ANKRD26: variants seen among roughly 807,000 people sequenced by gnomAD.
The protein encoded by ANKRD26 is ankyrin repeat domain-containing protein 26.
ANKRD26 carries 141 observed loss-of-function variants against 208.7 expected under a neutral mutation model. That is an observed-to-expected ratio of 0.68 (90% CI 0.59 to 0.78). ANKRD26 has a LOEUF of 0.78. Ranked by LOEUF, ANKRD26 falls within the 30% of genes least tolerant of loss-of-function variation. The pLI, the probability that ANKRD26 is intolerant of heterozygous loss-of-function variation, is 0.00. For synonymous variants in ANKRD26, 636 were observed against 660.4 expected (o/e 0.96, Z 0.57); for missense variants, 1,889 against 1,938.7 (o/e 0.97, Z 0.48).
chr10:27,010,681 A>G (rs957719309), intron 32 of ANKRD26, among the ~76,000 whole-genome samples: 2 of 152,012 alleles, frequency 1.3e-5, no homozygotes, highest in Non-Finnish European at 2.9e-5. Context: ...AATTTTTTGT[A>G]GAAATGAGAT....
At position 27,035,079 on chromosome 10, in the gene ANKRD26, T is replaced by G; in HGVS notation, c.3371A>C (p.Lys1124Thr). 6.2e-7 allele frequency: 1 copy of G among 1,613,308 alleles called. No individual in the cohort carries two copies. The highest frequency in any genetic ancestry group is 8.5e-7 in the Non-Finnish European group (1 of 1,179,714). ...TACAGACTCCTGCTTTCCAATGTAT[T>G]TATTCACTTTAACTTGTTCATTTTG... ...KYQNEQVKVN[K>T]YIGKQESVEE... The change falls in exon 24 of 34, where the codon AAA becomes ACA. Residue 1124 changes from lysine (K) to threonine (T), a missense_variant. Lys to Thr is a moderately conservative substitution (Grantham distance 78). This residue lies in a region of ANKRD26 where 613 missense variants were observed against 648.2 expected (regional missense o/e 0.95). Transcript: ENST00000376087.
At chr10:27,070,055 T>A in intron 9 of ANKRD26, among the ~76,000 whole-genome samples, 1 of 149,926 alleles carries the variant, frequency 6.7e-6, no homozygotes, top group Non-Finnish European at 1.5e-5. Context: ...CAGTGAGCCT[T>A]GATCATGCCA....
chr10:26,999,337 C>A (rs924234165), downstream of ANKRD26, among the ~76,000 whole-genome samples: 2 of 152,134 alleles, frequency 1.3e-5, no homozygotes, highest in African/African-American at 4.8e-5. Flanking sequence ...CTTTTTGTTG[C>A]GCAGCTGCTG....
chr10:27,016,915 T>G (rs1335968878), intron 30 of ANKRD26, among the ~76,000 whole-genome samples: 1 of 152,150 alleles, frequency 6.6e-6, no homozygotes, highest in Admixed American at 6.5e-5. Context: ...CAGCCAGGTT[T>G]GGTGGCTCAT....
chr10:26,951,949 C>T, the ANKRD26 span, among the ~76,000 whole-genome samples: 2 of 151,996 alleles, frequency 1.3e-5, no homozygotes, highest in Non-Finnish European at 1.5e-5. Context: ...GAGTTTATAC[C>T]CCCTTCTTTC....
Position 27,048,792 on chromosome 10 carries a change from T to C in ANKRD26, c.1814+9A>G, listed in dbSNP as rs1348308000. 6.2e-7 allele frequency: 1 copy of C among 1,607,490 alleles called. No homozygotes were observed. Among genetic ancestry groups the C allele is most frequent in the Admixed American group, 1.7e-5 (1 of 59,972 alleles). On this transcript the variant is annotated intron_variant, in intron 17 of 33. Transcript: ENST00000376087. The stretch of plus-strand genomic sequence containing the variant: ...CAATTATCTGCTGTTAAATATGCTA[T>C]CAGCTTACCTAGCATACTCTTTATT...
intron 5 of ANKRD26, among the ~76,000 whole-genome samples, chr10:26,977,689 C>T (rs546377747): frequency 6.6e-6 from 1 of 152,176 alleles, no homozygotes; most frequent in African/African-American, 2.4e-5. Context: ...AGACACAAGT[C>T]CATTTTGGTC....
intron 21 of ANKRD26, 77 bp downstream of exon 21, chr10:27,039,883 GAAGAT>G (rs1325511760): frequency 2.2e-6 from 3 of 1,340,778 alleles, no homozygotes; most frequent in Non-Finnish European, 3.2e-6. Flanking sequence ...CTAAGCCCCA[GAAGAT>G]AAGTCAGCAA....
chr10:27,041,172 T>C (rs2054226706), intron 20 of ANKRD26, among the ~76,000 whole-genome samples: 1 of 151,334 alleles, frequency 6.6e-6, no homozygotes, highest in African/African-American at 2.4e-5. Flanking sequence ...ACTCCCTGAG[T>C]TGAAGTGATG....
chr10:27,013,161 G>T, intron 31 of ANKRD26, 51 bp from the exon 32 acceptor site: 1 of 1,523,970 alleles, frequency 6.6e-7, no homozygotes, highest in South Asian at 1.1e-5. Context: ...TTCCCTAAAT[G>T]ATTCCTAAAA....
intron 21 of ANKRD26, among the ~76,000 whole-genome samples, chr10:27,038,741 A>G (rs575665470): frequency 1.3e-5 from 2 of 152,166 alleles, no homozygotes; most frequent in Non-Finnish European, 2.9e-5. Context: ...TTAGTTTACT[A>G]AAATGTTTAT....
the ANKRD26 span, among the ~76,000 whole-genome samples, chr10:26,952,577 G>C: frequency 3.6e-4 from 54 of 152,106 alleles, no homozygotes; most frequent in Middle Eastern, 3.4e-3. Flanking sequence ...TTGAACAATA[G>C]CCAAGCTTGC....
chr10:26,991,690 C>T (rs2052489678), downstream of ANKRD26, among the ~76,000 whole-genome samples: 1 of 152,176 alleles, frequency 6.6e-6, no homozygotes, highest in African/African-American at 2.4e-5. Flanking sequence ...ATCCACCTGC[C>T]TCGCCCTCCC....
At chr10:26,988,419 T>C (rs1356017839), downstream of ANKRD26, among the ~76,000 whole-genome samples, 2 of 152,102 alleles carry the variant, frequency 1.3e-5, no homozygotes, top group South Asian at 2.1e-4. Flanking sequence ...AGAGAGTGTG[T>C]CTGACCCAAA....
intron 27 of ANKRD26, among the ~76,000 whole-genome samples, chr10:27,026,328 C>T (rs2053656204): frequency 6.6e-6 from 1 of 152,202 alleles, no homozygotes; most frequent in Non-Finnish European, 1.5e-5. Flanking sequence ...AGTACTTTTA[C>T]TAAATTTTCC....
intron 17 of ANKRD26, among the ~76,000 whole-genome samples, chr10:27,048,414 G>A (rs920021707): frequency 6.6e-6 from 1 of 152,058 alleles, no homozygotes; most frequent in Non-Finnish European, 1.5e-5. Flanking sequence ...TTGTGTGTGT[G>A]CATTTTTATG....
rs146241471 is a variant in ANKRD26 at position 27,040,255 on chromosome 10, C to T, written c.2162-77G>A. ...CACACTGTGCACTATAACATTCACT[C>T]ATTAAGACACTGACCAATTACATAT... On this transcript the variant is annotated intron_variant, in intron 20 of 33. Transcript: ENST00000376087. The T allele has an allele frequency of 4.5e-3, 4,655 of 1,032,298 alleles. 25 individuals are homozygous for T. Among genetic ancestry groups the T allele is most frequent in the Middle Eastern group, 5.7e-3 (19 of 3,316 alleles). The allele number at this position is 1,032,298 out of a possible 1,614,324, so 63.9% of individuals were successfully genotyped here. A position where few individuals can be genotyped will look rare whatever the true frequency, so the allele number is the denominator to read the frequency against.
At chr10:27,056,718 A>G (rs1477146935) in intron 15 of ANKRD26, among the ~76,000 whole-genome samples, 1 of 152,022 alleles carries the variant, frequency 6.6e-6, no homozygotes, top group East Asian at 2.0e-4. Context: ...CAGAGGTTGT[A>G]GTGAGCTGAG....
At position 27,052,052 on chromosome 10, in the gene ANKRD26, C is replaced by G. The variant is rs2054680953; in HGVS notation, c.1635+1268G>C. On this transcript the variant is annotated intron_variant, in intron 16 of 33. Coordinates refer to ENST00000376087, the MANE Select transcript of ANKRD26 (RefSeq NM_014915.3). The stretch of plus-strand genomic sequence containing the variant: ...TATTCAGTTCTGGTTCTTGAGACAT[C>G]TTTTGCAGACATGAAAGTGGACGAT... The G allele has an allele frequency of 6.1e-6, 6 of 985,254 alleles. No individual in the cohort carries two copies. In the South Asian group the frequency reaches 2.8e-4, roughly 46 times the overall value. 61.0% of individuals were successfully genotyped at this position (985,254 alleles called of 1,614,324 possible). A position where few individuals can be genotyped will look rare whatever the true frequency, so the allele number is the denominator to read the frequency against.
Sources: gnomAD v4.1 joint callset for allele counts (sites outside exome capture counted in the v4.1 genomes callset) on GRCh38, gnomAD v4.1.1 for gene constraint, gnomAD v4.1.1 regional missense constraint, MANE v1.5 for transcripts, NCBI Gene and HGNC (gene_info 2026-07-23, HGNC 2026-07-21) for gene names.